The following FANCD2 variants were observed in gnomAD, a reference collection of about 807,000 sequenced individuals.
FANCD2 encodes the protein FA complementation group D2, also known as Fanconi anemia group D2 protein.
A neutral mutation model predicts 192.3 loss-of-function variants in FANCD2; 131 were observed. The observed-to-expected ratio is 0.68, with a 90% CI of 0.59 to 0.79. FANCD2 has a LOEUF of 0.79. Ranked by LOEUF, FANCD2 falls within the 30% of genes least tolerant of loss-of-function variation. The pLI is 0.00. For missense variants in FANCD2, 1,508 were observed against 1,701.6 expected, an observed-to-expected ratio of 0.89 and a Z score of 2.00; for synonymous variants, 524 against 612.5, an observed-to-expected ratio of 0.86 and a Z score of 2.13.
intron 20 of FANCD2, 107 bp from the exon 21 acceptor site, chr3:10,063,685 C>G (rs2087630859): frequency 6.9e-7 from 1 of 1,443,530 alleles, no homozygotes; most frequent in African/African-American, 1.4e-5. Flanking sequence ...AGACATAGAG[C>G]TTTGCCAGTA....
chr3:10,041,828 C>CATTTG, intron 10 of FANCD2, 118 bp downstream of exon 10: 1 of 676,264 alleles, frequency 1.5e-6, no homozygotes, highest in African/African-American at 1.9e-5. Flanking sequence ...TAGTGAATCA[C>CATTTG]ATTTGATATC....
At position 10,101,477 on chromosome 3, in the gene FANCD2, C is replaced by T. The variant is rs1695297755; in HGVS notation, c.*215C>T. 28 of 512,244 alleles carry T rather than the reference C, an allele frequency of 5.5e-5. No individual in the cohort carries two copies. In the South Asian group the frequency reaches 5.7e-4, roughly 10 times the overall value. 31.7% of individuals were successfully genotyped at this position (512,244 alleles called of 1,614,324 possible). ...CTTGGCTCACTGCAACCTCCATCTC[C>T]TAGGTTCAAGCGATTCTCCTGCCTC... is the stretch of plus-strand genomic sequence containing the variant. On this transcript the variant is annotated 3_prime_UTR_variant, in exon 44 of 44. Transcript: ENST00000675286.
intron 26 of FANCD2, among the ~76,000 whole-genome samples, chr3:10,071,860 A>G (rs1693268958): frequency 6.6e-6 from 1 of 152,132 alleles, no homozygotes; most frequent in African/African-American, 2.4e-5. Flanking sequence ...CCTGGGTTCA[A>G]GCAATTCTCC....
At chr3:10,031,311 G>A (rs1036205180) in intron 2 of FANCD2, among the ~76,000 whole-genome samples, 2 of 152,196 alleles carry the variant, frequency 1.3e-5, no homozygotes, top group South Asian at 4.2e-4. Flanking sequence ...AGACCATCTT[G>A]GCTAACATGG....
chr3:10,065,362 G>A (rs187832940), intron 23 of FANCD2, 32 bp from the exon 24 acceptor site: 6 of 1,396,284 alleles, frequency 4.3e-6, no homozygotes, highest in African/African-American at 1.4e-5. Flanking sequence ...CACCTATGAA[G>A]TGTGGTCTAG....
At chr3:10,026,509 GC>G in intron 1 of FANCD2, 36 bp downstream of exon 1, 4 of 501,752 alleles carry the variant, frequency 8.0e-6, no homozygotes, top group Non-Finnish European at 1.0e-5. Context: ...GTCTCTCGAG[GC>G]CCCGCTCCCC....
intron 42 of FANCD2, among the ~76,000 whole-genome samples, chr3:10,097,400 G>C (rs1024321457): frequency 6.6e-6 from 1 of 152,166 alleles, no homozygotes; most frequent in African/African-American, 2.4e-5. Flanking sequence ...GGTACACCCG[G>C]GGGGGCCCAG....
At chr3:10,097,928 C>T (rs1016997092) in intron 42 of FANCD2, among the ~76,000 whole-genome samples, 2 of 152,194 alleles carry the variant, frequency 1.3e-5, no homozygotes, top group East Asian at 1.9e-4. Context: ...CCGGTCCCTC[C>T]GTTTGGGGTC....
chr3:10,041,679 G>A lies in FANCD2; in HGVS notation c.752G>A (p.Ser251Asn). ...LTVPILDVLS[S>N]LRLDPNFLLK... The stretch of plus-strand genomic sequence containing the variant: ...GTCCCAATCCTGGATGTCCTTTCAA[G>A]CCTCCGACTTGACCCAAACTTCCTA... The change falls in exon 10 of 44, where the codon AGC becomes AAC. Residue 251 changes from serine to asparagine, a missense_variant. Physicochemically the swap from Ser to Asn is conservative, Grantham distance 46. Around this residue, in one of 5 missense-constraint regions of FANCD2, gnomAD observed 435 missense variants for 421.9 expected, o/e 1.03. Coordinates refer to ENST00000675286, the MANE Select transcript of FANCD2 (RefSeq NM_001018115.3). 2 of 1,613,842 alleles carry A rather than the reference G, an allele frequency of 1.2e-6. No homozygotes were observed. Among genetic ancestry groups the A allele is most frequent in the Non-Finnish European group, 1.7e-6 (2 of 1,179,858 alleles).
At chr3:10,032,296 T>C (rs931590155) in intron 2 of FANCD2, 5 of 413,928 alleles carry the variant, frequency 1.2e-5, no homozygotes, top group African/African-American at 2.1e-5. Context: ...TTTATTTTTT[T>C]AGAGATGGGG....
At chr3:10,055,917 C>T (rs540555995) in intron 18 of FANCD2, among the ~76,000 whole-genome samples, 9 of 152,204 alleles carry the variant, frequency 5.9e-5, no homozygotes, top group Non-Finnish European at 1.3e-4. Context: ...CTCACTCTGT[C>T]GCCCAGGCTT....
rs2086699874 is a variant in FANCD2, at chr3:10,035,243, T to A, written c.438+10T>A. 6.2e-7 allele frequency: 1 copy of A among 1,610,938 alleles called. No homozygotes were observed. The highest frequency in any genetic ancestry group is 1.1e-5 in the South Asian group (1 of 91,022). ...GATTGACATACTGCAGGTAAGACTG[T>A]CACTTTTTCTGTGAACATTTGATGG... On this transcript the variant is annotated intron_variant, in intron 6 of 43. Transcript: ENST00000675286.
chr3:10,101,325 G>A lies in FANCD2; in HGVS notation c.*63G>A. Reference sequence around the variant, plus strand: ...CAGCCTGTGATCATTTTGTGTTAGAGTTTGAAATCCGCTGTTTGCCTTTCT... The same window carrying A: ...CAGCCTGTGATCATTTTGTGTTAGAATTTGAAATCCGCTGTTTGCCTTTCT... On this transcript the variant is annotated 3_prime_UTR_variant, in exon 44 of 44. Coordinates refer to ENST00000675286, the MANE Select transcript of FANCD2 (RefSeq NM_001018115.3). The A allele has an allele frequency of 9.0e-7, 1 of 1,111,594 alleles. No individual in the cohort carries two copies. The highest frequency in any genetic ancestry group is 1.2e-5 in the South Asian group (1 of 81,702). 68.9% of individuals were successfully genotyped at this position (1,111,594 alleles called of 1,614,324 possible). A position where few individuals can be genotyped will look rare whatever the true frequency, so the allele number is the denominator to read the frequency against.
intron 4 of FANCD2, 39 bp from the exon 5 acceptor site, chr3:10,034,656 A>G (rs1373737347): frequency 6.6e-7 from 1 of 1,516,208 alleles, no homozygotes; most frequent in Admixed American, 1.8e-5. Flanking sequence ...ATATTAAACT[A>G]AAAATTTTAT....
chr3:10,029,151 T>C (rs2086528669), intron 2 of FANCD2, among the ~76,000 whole-genome samples: 1 of 152,162 alleles, frequency 6.6e-6, no homozygotes, highest in Non-Finnish European at 1.5e-5. Context: ...AAAGAAACAG[T>C]GCAGACTCTG....
At chr3:10,041,981 C>T (rs1393111625) in intron 10 of FANCD2, among the ~76,000 whole-genome samples, 4 of 151,768 alleles carry the variant, frequency 2.6e-5, no homozygotes, top group Non-Finnish European at 5.9e-5. Context: ...TAACTGCAAC[C>T]TCTACCTACC....
intron 32 of FANCD2, among the ~76,000 whole-genome samples, chr3:10,084,252 A>G (rs1218527886): frequency 6.7e-6 from 1 of 150,020 alleles, no homozygotes; most frequent in East Asian, 2.0e-4. Context: ...TCAGCCTCCC[A>G]AAGTGCTGGG....
intron 3 of FANCD2, among the ~76,000 whole-genome samples, chr3:10,033,359 C>A (rs992325964): frequency 6.6e-6 from 1 of 152,060 alleles, no homozygotes; most frequent in African/African-American, 2.4e-5. Context: ...CAAGATCGCA[C>A]CACTGCACTC....
At chr3:10,034,325 A>AAAC (rs1491406424) in intron 3 of FANCD2, 144 bp from the exon 4 acceptor site, 10 of 116,986 alleles carry the variant, frequency 8.5e-5, no homozygotes, top group African/African-American at 6.0e-4. Context: ...ACTCCATCTC[A>AAAC]AAAAAAAAAA....
Sources: gnomAD v4.1 joint callset for allele counts (sites outside exome capture counted in the v4.1 genomes callset) on GRCh38, gnomAD v4.1.1 for gene constraint, gnomAD v4.1.1 regional missense constraint, MANE v1.5 for transcripts, NCBI Gene and HGNC (gene_info 2026-07-23, HGNC 2026-07-21) for gene names.